Variants in CFAP251 observed in about 807,000 individuals in gnomAD.
CFAP251 encodes cilia and flagella associated protein 251.
A neutral mutation model predicts 126.7 loss-of-function variants in CFAP251; 93 were observed. The observed-to-expected ratio is 0.73, with a 90% CI of 0.62 to 0.87. The LOEUF (loss-of-function observed/expected upper bound fraction) is 0.87. CFAP251 is among the 40% of genes least tolerant of loss of function. CFAP251 has a pLI of 0.00. For missense variants in CFAP251, 1,287 were observed against 1,389.2 expected (o/e 0.93, Z 1.17); for synonymous variants, 503 against 506.9 (o/e 0.99, Z 0.10).
Position 121,974,808 on chromosome 12 carries a change from A to C in CFAP251, c.2772-436A>C, listed in dbSNP as rs908222017. Among the ~76,000 whole-genome samples, 1 of 152,070 alleles carries C rather than the reference A, an allele frequency of 6.6e-6. No homozygotes were observed. The highest frequency in any genetic ancestry group is 2.4e-5 in the African/African-American group (1 of 41,388). The stretch of plus-strand genomic sequence containing the variant: ...CTGTGGTCTCCTGAGTTTTTATGGA[A>C]GCAATTAGTGTTGGCAGTTCACTTG... On this transcript the variant is annotated intron_variant, in intron 17 of 21. Coordinates refer to ENST00000288912, the MANE Select transcript of CFAP251 (RefSeq NM_144668.6). The surrounding 1 kb of genome is among the most constrained non-coding windows in gnomAD (Gnocchi z 4.6).
intron 19 of CFAP251, among the ~76,000 whole-genome samples, chr12:121,991,197 A>G (rs1480318952): frequency 6.6e-6 from 1 of 152,158 alleles, no homozygotes; most frequent in African/African-American, 2.4e-5. Context: ...CTATCTATCC[A>G]TTCAGTAAAC....
chr12:121,942,672 C>A, intron 6 of CFAP251, 27 bp downstream of exon 6: 1 of 1,580,050 alleles, frequency 6.3e-7, no homozygotes, highest in Non-Finnish European at 8.6e-7. Context: ...TTTGGGTCAG[C>A]ATCAGCGAGC....
chr12:121,929,739 G>A (rs1032386975), intron 3 of CFAP251, among the ~76,000 whole-genome samples: 6 of 151,218 alleles, frequency 4.0e-5, no homozygotes, highest in Non-Finnish European at 4.4e-5. Context: ...GTGCAATGGC[G>A]TGATCTCAGC....
Position 121,957,081 on chromosome 12 carries a change from G to T in CFAP251, c.1543G>T (p.Val515Phe). ...TGTTATTCTCCATTTCAGCTACATT[G>T]TCACAGGTGACATTAAGGGGAACAT... is the stretch of plus-strand genomic sequence containing the variant. ...TVLTTIDSYI[V>F]TGDIKGNIKF... The change falls in exon 11 of 22, where the codon GTC (valine) becomes TTC (phenylalanine). Residue 515 changes from valine to phenylalanine, a missense_variant. Transcript: ENST00000288912. 1 of 1,586,262 alleles carries T rather than the reference G, an allele frequency of 6.3e-7. No individual in the cohort carries two copies. Among genetic ancestry groups the T allele is most frequent in the Non-Finnish European group, 8.6e-7 (1 of 1,167,592 alleles).
intron 15 of CFAP251, among the ~76,000 whole-genome samples, chr12:121,962,420 C>T (rs1007383246): frequency 3.3e-5 from 5 of 152,170 alleles, no homozygotes; most frequent in Admixed American, 2.6e-4. Flanking sequence ...AATGCTATCT[C>T]CTATTCTCCT....
At chr12:121,984,770 G>A (rs1882706058) in intron 19 of CFAP251, among the ~76,000 whole-genome samples, 1 of 152,162 alleles carries the variant, frequency 6.6e-6, no homozygotes, top group Admixed American at 6.5e-5. Context: ...TGTCCACGTT[G>A]GGATGGGGCC....
intron 1 of CFAP251, among the ~76,000 whole-genome samples, chr12:121,920,470 C>T (rs1880122513): frequency 6.6e-6 from 1 of 151,172 alleles, no homozygotes; most frequent in Non-Finnish European, 1.5e-5. Flanking sequence ...GATCTCGGCT[C>T]ACTGCAAGCT....
chr12:121,973,423 C>T (rs1450652357), intron 17 of CFAP251, among the ~76,000 whole-genome samples: 1 of 152,194 alleles, frequency 6.6e-6, no homozygotes, highest in Non-Finnish European at 1.5e-5. Flanking sequence ...TCAGAGCCCC[C>T]ACACAGAGTC....
At chr12:121,975,841 TA>T (rs1467917074) in intron 19 of CFAP251, among the ~76,000 whole-genome samples, 156 bp downstream of exon 19, 1 of 152,130 alleles carries the variant, frequency 6.6e-6, no homozygotes. Flanking sequence ...CACTCCTGAG[TA>T]ACTGCCTTAT....
chr12:121,998,488 T>TATATATATATATA (rs1230224761), intron 19 of CFAP251: 1 of 105,528 alleles, frequency 9.5e-6, no homozygotes, highest in African/African-American at 3.4e-5. Context: ...TATATATATA[T>TATATATATATATA]GATTGTGTTA....
At chr12:121,940,529 T>TAAAC (rs949334162) in intron 5 of CFAP251, among the ~76,000 whole-genome samples, 14 of 152,192 alleles carry the variant, frequency 9.2e-5, no homozygotes, top group African/African-American at 1.4e-4. Context: ...TAGGACTCCA[T>TAAAC]AAACAAACAA....
chr12:121,924,308 C>T (rs1033674325), intron 3 of CFAP251, among the ~76,000 whole-genome samples: 2 of 151,668 alleles, frequency 1.3e-5, no homozygotes, highest in Non-Finnish European at 2.9e-5. Context: ...TGGCGTCTCG[C>T]CACGCCATGT....
At chr12:121,958,890 A>G (rs1461333968) in intron 12 of CFAP251, 53 bp from the exon 13 acceptor site, 3 of 1,533,220 alleles carry the variant, frequency 2.0e-6, no homozygotes, top group Non-Finnish European at 2.6e-6. Flanking sequence ...CAGACTCAAC[A>G]TCTCTTGAAT....
intron 19 of CFAP251, among the ~76,000 whole-genome samples, chr12:121,977,155 C>T (rs573278530): frequency 5.3e-5 from 8 of 152,248 alleles, no homozygotes; most frequent in Non-Finnish European, 8.8e-5. Context: ...GCCTGTTGCT[C>T]CTAGGCTATA....
intron 10 of CFAP251, among the ~76,000 whole-genome samples, chr12:121,954,884 A>C (rs1881674138): frequency 6.6e-6 from 1 of 152,182 alleles, no homozygotes; most frequent in Non-Finnish European, 1.5e-5. Flanking sequence ...CTTTGTGTCG[A>C]TGAAACAAAA....
At chr12:121,979,040 C>T (rs1257227128) in intron 19 of CFAP251, among the ~76,000 whole-genome samples, 1 of 152,186 alleles carries the variant, frequency 6.6e-6, no homozygotes, top group Non-Finnish European at 1.5e-5. Flanking sequence ...TGGCTGAGAA[C>T]ACTTGAGCAA....
rs1345326197 is a variant in CFAP251 at position 121,999,940 on chromosome 12, T to G, written c.3231T>G (p.Thr1077=). The G allele has an allele frequency of 6.2e-7, 1 of 1,611,686 alleles. No homozygotes were observed. ...RREDFLRLLV[T]KGEHMTEEEM... The stretch of plus-strand genomic sequence containing the variant: ...AGGACTTCCTGAGACTGCTCGTTAC[T>G]AAAGGTAAGCACATACATCAGGATG... Residue 1077 remains threonine, a synonymous_variant, in exon 20 of 22, where the codon ACT becomes ACG. Transcript: ENST00000288912.
rs766111273 is a variant in CFAP251, at chr12:121,942,520, G to C, written c.999-14G>C. On this transcript the variant is annotated splice_polypyrimidine_tract_variant and intron_variant, in intron 5 of 21. Transcript: ENST00000288912. ...GACCTCAGCAAGTGTCGCCCCCCTTGTCCTGTTTTGCAGTATTCCTGTGCA... is the reference window on the plus strand; with the variant it reads ...GACCTCAGCAAGTGTCGCCCCCCTTCTCCTGTTTTGCAGTATTCCTGTGCA... 31 of 1,601,446 alleles carry C rather than the reference G, an allele frequency of 1.9e-5. No individual in the cohort carries two copies. Among genetic ancestry groups the C allele is most frequent in the Non-Finnish European group, 2.6e-5 (30 of 1,169,950 alleles).
At chr12:121,963,374 G>C (rs765399491) in intron 15 of CFAP251, among the ~76,000 whole-genome samples, 1 of 152,068 alleles carries the variant, frequency 6.6e-6, no homozygotes, top group Non-Finnish European at 1.5e-5. Flanking sequence ...GACTGGACAA[G>C]GCAAGCTTGA....
Sources: allele counts gnomAD v4.1 joint callset (sites outside exome capture counted in the v4.1 genomes callset), GRCh38; gene constraint gnomAD v4.1.1; non-coding constraint Gnocchi (gnomAD v3.1); transcripts MANE v1.5; gene names NCBI Gene and HGNC (gene_info 2026-07-23, HGNC 2026-07-21).